GLCCI1: variants seen among roughly 807,000 people sequenced by gnomAD.
GLCCI1 encodes the protein glucocorticoid induced 1, also known as glucocorticoid-induced transcript 1 protein.
A neutral mutation model predicts 52.2 loss-of-function variants in GLCCI1; 24 were observed. That is an observed-to-expected ratio of 0.46 (90% CI 0.33 to 0.65). The LOEUF (loss-of-function observed/expected upper bound fraction) is 0.65. Among genes scored for constraint, GLCCI1 ranks in the 30% least tolerant of loss-of-function variants. The pLI is 0.02. For synonymous variants in GLCCI1, 310 were observed against 276.5 expected (o/e 1.12, Z -1.20); for missense variants, 704 against 701.5 (o/e 1.00, Z -0.04).
Position 8,086,583 on chromosome 7 carries a change from C to G in GLCCI1, c.*45C>G, listed in dbSNP as rs1432434460. 4.1e-6 allele frequency: 6 copies of G among 1,474,000 alleles called. No homozygotes were observed. In the East Asian group the frequency reaches 1.1e-4, roughly 28 times the overall value. The allele number at this position is 1,474,000 out of a possible 1,614,324, so 91.3% of individuals were successfully genotyped here. A position where few individuals can be genotyped will look rare whatever the true frequency, so the allele number is the denominator to read the frequency against. ...CACCCTATGTTCCATGGATTCGGAA[C>G]AAGATTTCAGACATCTGCATGAGTG... On this transcript the variant is annotated 3_prime_UTR_variant, in exon 8 of 8. Transcript: ENST00000223145. The surrounding 1 kb of genome is among the most constrained non-coding windows in gnomAD (Gnocchi z 4.4).
At chr7:7,975,576 A>G (rs1374985295) in intron 1 of GLCCI1, among the ~76,000 whole-genome samples, 2 of 152,224 alleles carry the variant, frequency 1.3e-5, no homozygotes, top group Non-Finnish European at 2.9e-5. Context: ...GTGATTTCTA[A>G]GCTAAAAGAA....
At chr7:8,035,461 TTC>T (rs1303538211) in intron 3 of GLCCI1, among the ~76,000 whole-genome samples, 2 of 152,120 alleles carry the variant, frequency 1.3e-5, no homozygotes, top group African/African-American at 4.8e-5. Context: ...AAGACAGCCA[TTC>T]TAGGGCAATT....
rs565186919 is a variant in GLCCI1 at position 8,038,008 on chromosome 7, A to C, written c.696+15439A>C. Among the ~76,000 whole-genome samples, 3 of 152,278 alleles carry C rather than the reference A, an allele frequency of 2.0e-5. 1 individual carries two copies. The highest frequency in any genetic ancestry group is 2.0e-4 in the Admixed American group (3 of 15,306). The stretch of plus-strand genomic sequence containing the variant: ...CAAGACAGAAAGTCAGCAAAGAAAC[A>C]CTGGACTTAAATTGGACTCTAGATC... On this transcript the variant is annotated intron_variant, in intron 3 of 7. Coordinates refer to ENST00000223145, the MANE Select transcript of GLCCI1 (RefSeq NM_138426.4).
At chr7:7,980,820 T>A (rs779842234) in intron 1 of GLCCI1, 18 of 690,494 alleles carry the variant, frequency 2.6e-5, no homozygotes, top group Admixed American at 4.1e-5. Context: ...AAATGAGACC[T>A]TTGTTGACAA....
chr7:8,081,997 T>C (rs1018422915), intron 6 of GLCCI1, among the ~76,000 whole-genome samples: 3 of 152,206 alleles, frequency 2.0e-5, no homozygotes, highest in African/African-American at 7.2e-5. Flanking sequence ...GTATTTCTAG[T>C]TATGATCCTA....
intron 4 of GLCCI1, among the ~76,000 whole-genome samples, chr7:8,058,836 G>A (rs372547820): frequency 2.6e-5 from 4 of 152,092 alleles, no homozygotes; most frequent in Admixed American, 1.3e-4. Context: ...TACTAACAGC[G>A]TACTGTTGCA....
chr7:8,085,535 G>C (rs1474232552), intron 7 of GLCCI1, among the ~76,000 whole-genome samples: 2 of 152,246 alleles, frequency 1.3e-5, no homozygotes, highest in Non-Finnish European at 2.9e-5. Context: ...GGGCAGAGTA[G>C]CTCAGAAGAA....
chr7:8,019,234 C>T (rs979415999), intron 2 of GLCCI1, among the ~76,000 whole-genome samples: 1 of 152,070 alleles, frequency 6.6e-6, no homozygotes, highest in East Asian at 1.9e-4. Context: ...ATATGACAGC[C>T]GGTAGCCACA....
chr7:8,075,546 G>A (rs145960776), intron 6 of GLCCI1, among the ~76,000 whole-genome samples: 28 of 152,268 alleles, frequency 1.8e-4, no homozygotes, highest in East Asian at 1.7e-3. Flanking sequence ...TGGCAGTGTC[G>A]GAATATTAGT....
intron 6 of GLCCI1, among the ~76,000 whole-genome samples, chr7:8,083,411 T>A (rs1783038595): frequency 6.6e-6 from 1 of 152,166 alleles, no homozygotes; most frequent in Non-Finnish European, 1.5e-5. Context: ...CATGGACCAG[T>A]CTTGTCTAGC....
At chr7:8,045,071 A>G (rs1782090931) in intron 3 of GLCCI1, among the ~76,000 whole-genome samples, 1 of 152,240 alleles carries the variant, frequency 6.6e-6, no homozygotes, top group African/African-American at 2.4e-5. Flanking sequence ...AAACATCACC[A>G]GACTTCTAGA....
In GLCCI1 at chr7:7,972,189, A is replaced by G. The variant is rs575449376; in HGVS notation, c.457+2382A>G. Among the ~76,000 whole-genome samples, 9 of 152,240 alleles carry G rather than the reference A, an allele frequency of 5.9e-5. No homozygotes were observed. The East Asian group carries it at 1.3e-3, about 23-fold the overall frequency. On this transcript the variant is annotated intron_variant, in intron 1 of 7. Coordinates refer to ENST00000223145, the MANE Select transcript of GLCCI1 (RefSeq NM_138426.4). ...CTGACTTGAGTGGATTTTAGCCTCC[A>G]CTGGTCAAGGTTCCTGCCGCTGCCA...
At chr7:8,017,049 G>C (rs572368134) in intron 2 of GLCCI1, among the ~76,000 whole-genome samples, 1 of 152,160 alleles carries the variant, frequency 6.6e-6, no homozygotes, top group African/African-American at 2.4e-5. Flanking sequence ...GGTAGTTATT[G>C]TGTGTTTGCT....
At chr7:7,991,160 C>G (rs1048358936) in intron 1 of GLCCI1, among the ~76,000 whole-genome samples, 1 of 152,060 alleles carries the variant, frequency 6.6e-6, no homozygotes, top group East Asian at 1.9e-4. Flanking sequence ...CTACATTTAA[C>G]CATGGATTTA....
chr7:7,988,019 G>A (rs1780771030), intron 1 of GLCCI1, among the ~76,000 whole-genome samples: 1 of 152,140 alleles, frequency 6.6e-6, no homozygotes, highest in Admixed American at 6.5e-5. Flanking sequence ...TCTTCTTGGA[G>A]ATGAGATGGG....
chr7:8,039,765 G>A (rs971784980), intron 3 of GLCCI1, among the ~76,000 whole-genome samples: 4 of 152,302 alleles, frequency 2.6e-5, no homozygotes, highest in East Asian at 1.9e-4. Context: ...GGGAGGCCAC[G>A]CGGGGTGGAT....
chr7:7,969,136 A>C lies in GLCCI1; in HGVS notation c.-215A>C. ...CCAGCCGGGCGGTTGCGGCCGTTGGACGTTTGTTTTCGCAGCCTTCCCCTC... is the reference window on the plus strand; with the variant it reads ...CCAGCCGGGCGGTTGCGGCCGTTGGCCGTTTGTTTTCGCAGCCTTCCCCTC... On this transcript the variant is annotated 5_prime_UTR_variant, in exon 1 of 8. Transcript: ENST00000223145. The surrounding 1 kb of genome is among the most constrained non-coding windows in gnomAD (Gnocchi z 4.9). The C allele has an allele frequency of 2.8e-5, 8 of 289,120 alleles. No homozygotes were observed. The highest frequency in any genetic ancestry group is 6.1e-5 in the Admixed American group (1 of 16,490). The allele number at this position is 289,120 out of a possible 1,614,324, so 17.9% of individuals were successfully genotyped here. A position where few individuals can be genotyped will look rare whatever the true frequency, so the allele number is the denominator to read the frequency against.
intron 1 of GLCCI1, among the ~76,000 whole-genome samples, chr7:7,975,910 T>C (rs1780457313): frequency 1.3e-5 from 2 of 152,142 alleles, no homozygotes; most frequent in South Asian, 4.1e-4. Context: ...CACTTTGTAG[T>C]GAATATAAGT....
intron 1 of GLCCI1, among the ~76,000 whole-genome samples, chr7:7,993,593 T>A (rs1195540944): frequency 6.6e-6 from 1 of 152,196 alleles, no homozygotes; most frequent in African/African-American, 2.4e-5. Flanking sequence ...ATTAGTGAAT[T>A]GTGTTCTCTG....
Sources: gnomAD v4.1 joint callset for allele counts (sites outside exome capture counted in the v4.1 genomes callset) on GRCh38, gnomAD v4.1.1 for gene constraint, Gnocchi (gnomAD v3.1) non-coding constraint, MANE v1.5 for transcripts, NCBI Gene and HGNC (gene_info 2026-07-23, HGNC 2026-07-21) for gene names.